The following CADPS2 variants were observed in gnomAD, a reference collection of about 807,000 sequenced individuals.
The protein encoded by CADPS2 is calcium-dependent secretion activator 2.
Under a neutral mutation model 172.5 loss-of-function variants are expected in CADPS2, and 93 were observed. The ratio of observed to expected loss-of-function variants is 0.54; its 90% CI spans 0.46 to 0.64. The LOEUF is 0.64. Among genes scored for constraint, CADPS2 ranks in the 30% least tolerant of loss-of-function variants. The pLI, the probability that CADPS2 is intolerant of heterozygous loss-of-function variation, is 0.00. For synonymous variants in CADPS2, 546 were observed against 555.2 expected, an observed-to-expected ratio of 0.98 and a Z score of 0.23; for missense variants, 1,420 against 1,565.9, an observed-to-expected ratio of 0.91 and a Z score of 1.57.
intron 1 of CADPS2, among the ~76,000 whole-genome samples, chr7:122,775,327 T>C (rs533307597): frequency 1.3e-5 from 2 of 152,336 alleles, no homozygotes; most frequent in East Asian, 3.9e-4. Flanking sequence ...ATAAAGGATG[T>C]TACTGTTCAC....
At chr7:122,873,529 CGTGGTGTATAT>C (rs752205024) in intron 1 of CADPS2, among the ~76,000 whole-genome samples, 147 of 152,218 alleles carry the variant, frequency 9.7e-4, no homozygotes, top group Middle Eastern at 3.4e-3. Context: ...CATAGTATTC[CGTGGTGTATAT>C]GTGCCACATT....
intron 1 of CADPS2, among the ~76,000 whole-genome samples, chr7:122,823,087 C>T (rs1803854671): frequency 6.6e-6 from 1 of 152,042 alleles, no homozygotes; most frequent in South Asian, 2.1e-4. Flanking sequence ...TTTCATATAC[C>T]TCTGGGACAT....
chr7:122,493,668 T>C (rs928864975), intron 9 of CADPS2, among the ~76,000 whole-genome samples: 1 of 151,800 alleles, frequency 6.6e-6, no homozygotes, highest in Non-Finnish European at 1.5e-5. Flanking sequence ...TACATCACAG[T>C]ACATAGGTAC....
Position 122,644,809 on chromosome 7 carries a change from G to C in CADPS2, c.787-15481C>G, listed in dbSNP as rs78570909. Among the ~76,000 whole-genome samples, 29 of 152,224 alleles carry C rather than the reference G, an allele frequency of 1.9e-4. No homozygotes were observed. The East Asian group carries it at 5.0e-3, about 26-fold the overall frequency. On this transcript the variant is annotated intron_variant, in intron 3 of 29. Coordinates refer to ENST00000449022, the MANE Select transcript of CADPS2 (RefSeq NM_017954.11). ...AACTCTCAAGAGCAACACATTCCCT[G>C]TGTGAAGTTATGTATGAAAGAATCA...
intron 1 of CADPS2, among the ~76,000 whole-genome samples, chr7:122,829,209 C>T (rs911674434): frequency 1.3e-5 from 2 of 152,100 alleles, no homozygotes; most frequent in Non-Finnish European, 2.9e-5. Flanking sequence ...TCTTCATCAT[C>T]AAAAAGCACT....
intron 1 of CADPS2, among the ~76,000 whole-genome samples, chr7:122,808,292 C>T (rs1799252575): frequency 6.6e-6 from 1 of 152,122 alleles, no homozygotes; most frequent in African/African-American, 2.4e-5. Flanking sequence ...GTTTTTACAA[C>T]ATTAGTATTT....
chr7:122,411,354 G>C lies in CADPS2; in HGVS notation c.2589+2714C>G, dbSNP rs145923714. Among the ~76,000 whole-genome samples the C allele has an allele frequency of 4.1e-3, 623 of 151,468 alleles. 7 individuals are homozygous for C. Among genetic ancestry groups the C allele is most frequent in the African/African-American group, 0.014 (583 of 41,264 alleles). ...TAATGCCTCAGCCTCCCAAGTATCTGGGATTACAGGTGCCCACCACCATGC... is the reference window on the plus strand; with the variant it reads ...TAATGCCTCAGCCTCCCAAGTATCTCGGATTACAGGTGCCCACCACCATGC... On this transcript the variant is annotated intron_variant, in intron 19 of 29. Coordinates refer to ENST00000449022, the MANE Select transcript of CADPS2 (RefSeq NM_017954.11).
chr7:122,690,376 C>T (rs949546291), intron 2 of CADPS2, among the ~76,000 whole-genome samples: 9 of 152,138 alleles, frequency 5.9e-5, no homozygotes, highest in Non-Finnish European at 2.9e-5. Context: ...TACATATGTT[C>T]CCGGAGGAGG....
intron 1 of CADPS2, among the ~76,000 whole-genome samples, chr7:122,839,408 C>T (rs1394778756): frequency 6.6e-6 from 1 of 152,128 alleles, no homozygotes; most frequent in Non-Finnish European, 1.5e-5. Flanking sequence ...GCAATGGCAA[C>T]AAAAGCCAAA....
rs1586661880 is a variant in CADPS2 at position 122,500,301 on chromosome 7, CAG to C, written c.1543-8883_1543-8882del. Among the ~76,000 whole-genome samples, 3 of 152,068 alleles carry C rather than the reference CAG, an allele frequency of 2.0e-5. 1 individual carries two copies. The highest frequency in any genetic ancestry group is 4.4e-5 in the Non-Finnish European group (3 of 68,038). ...AAAATGGCTTCCACAGTGTGTGGCA[CAG>C]AGTCACTGCTTCTGTATTTTGGCAC... On this transcript the variant is annotated intron_variant, in intron 9 of 29. Coordinates refer to ENST00000449022, the MANE Select transcript of CADPS2 (RefSeq NM_017954.11).
At chr7:122,690,818 T>C (rs1330487269) in intron 2 of CADPS2, among the ~76,000 whole-genome samples, 2 of 152,216 alleles carry the variant, frequency 1.3e-5, no homozygotes, top group Non-Finnish European at 2.9e-5. Flanking sequence ...TTTAGCTCAT[T>C]AGCTACTTTG....
Position 122,838,310 on chromosome 7 carries a change from C to T in CADPS2, c.339+47689G>A, listed in dbSNP as rs562955432. The stretch of plus-strand genomic sequence containing the variant: ...TAATAAGAGCTATTTATGACAAACC[C>T]ACAGCCAATATTATACTGAATGGGC... On this transcript the variant is annotated intron_variant, in intron 1 of 29. Coordinates refer to ENST00000449022, the MANE Select transcript of CADPS2 (RefSeq NM_017954.11). 2.7e-4 allele frequency among the ~76,000 whole-genome samples: 41 copies of T among 152,246 alleles called. No individual in the cohort carries two copies. In the South Asian group the frequency reaches 8.3e-3, roughly 31 times the overall value.
chr7:122,386,435 T>C, intron 24 of CADPS2: 1 of 524,616 alleles, frequency 1.9e-6, no homozygotes, highest in East Asian at 3.4e-5. Flanking sequence ...AACAGATAAT[T>C]GAAGAAAAAT....
chr7:122,376,390 C>T (rs1404481178), intron 25 of CADPS2, among the ~76,000 whole-genome samples: 1 of 152,074 alleles, frequency 6.6e-6, no homozygotes, highest in African/African-American at 2.4e-5. Flanking sequence ...AAATATTATT[C>T]AGCCTCAAAA....
chr7:122,767,589 G>T (rs1211350148), intron 1 of CADPS2, among the ~76,000 whole-genome samples: 1 of 151,932 alleles, frequency 6.6e-6, no homozygotes, highest in African/African-American at 2.4e-5. Flanking sequence ...ACCAACAAAG[G>T]CCCTAATTCT....
At chr7:122,674,114 C>T (rs1045864820) in intron 2 of CADPS2, among the ~76,000 whole-genome samples, 4 of 152,242 alleles carry the variant, frequency 2.6e-5, no homozygotes, top group East Asian at 1.9e-4. Flanking sequence ...GCTGGCTGGC[C>T]GCTCCAAGTG....
At chr7:122,879,534 CAAAAATAAAAAAT>C (rs1822296070) in intron 1 of CADPS2, among the ~76,000 whole-genome samples, 1 of 150,714 alleles carries the variant, frequency 6.6e-6, no homozygotes, top group Non-Finnish European at 1.5e-5. Context: ...GACTCCATCT[CAAAAATAAAAAAT>C]AAAAATAAAA....
At chr7:122,722,576 A>G (rs1314260483) in intron 2 of CADPS2, among the ~76,000 whole-genome samples, 2 of 149,954 alleles carry the variant, frequency 1.3e-5, no homozygotes, top group Admixed American at 6.7e-5. Context: ...TTCCATGCTC[A>G]TTGATAGGAA....
At position 122,701,931 on chromosome 7, in the gene CADPS2, A is replaced by C. The variant is rs138284424; in HGVS notation, c.453+35024T>G. The C allele has an allele frequency of 1.9e-4, 300 of 1,613,580 alleles. No individual in the cohort carries two copies. Among genetic ancestry groups the C allele is most frequent in the Non-Finnish European group, 2.3e-4 (269 of 1,179,680 alleles). On this transcript the variant is annotated intron_variant, in intron 2 of 29. Coordinates refer to ENST00000449022, the MANE Select transcript of CADPS2 (RefSeq NM_017954.11). ...TTATGGAAAAAATGTTTGCAAGTTAAAATGCGTACTACATCTTGGGGTTTG... is the reference window on the plus strand; with the variant it reads ...TTATGGAAAAAATGTTTGCAAGTTACAATGCGTACTACATCTTGGGGTTTG...
Sources: allele counts gnomAD v4.1 joint callset (sites outside exome capture counted in the v4.1 genomes callset), GRCh38; gene constraint gnomAD v4.1.1; transcripts MANE v1.5; gene names NCBI Gene and HGNC (gene_info 2026-07-23, HGNC 2026-07-21).